INO80D: variants seen among roughly 807,000 people sequenced by gnomAD.
INO80D encodes INO80 complex subunit D.
Under a neutral mutation model 87.6 loss-of-function variants are expected in INO80D, and 21 were observed. The ratio of observed to expected loss-of-function variants is 0.24; its 90% CI spans 0.17 to 0.35. The LOEUF (loss-of-function observed/expected upper bound fraction) is 0.35. INO80D is among the 10% of genes least tolerant of loss of function. The pLI, the probability that INO80D is intolerant of heterozygous loss-of-function variation, is 1.00. For missense variants in INO80D, 982 were observed against 1,280.7 expected, an observed-to-expected ratio of 0.77 and a Z score of 3.56; for synonymous variants, 440 against 491.0, an observed-to-expected ratio of 0.90 and a Z score of 1.37.
At chr2:206,075,771 A>C (rs1690100341) in intron 1 of INO80D, among the ~76,000 whole-genome samples, 1 of 150,866 alleles carries the variant, frequency 6.6e-6, no homozygotes, top group African/African-American at 2.4e-5. Context: ...CTAGCGTGAG[A>C]TGCCAGGTGC....
intron 8 of INO80D, among the ~76,000 whole-genome samples, chr2:206,010,862 G>C (rs1188477054): frequency 6.6e-6 from 1 of 152,112 alleles, no homozygotes; most frequent in Non-Finnish European, 1.5e-5. Flanking sequence ...TGGATCACCT[G>C]AGGTCAGGAG....
chr2:206,004,990 G>A lies in INO80D; in HGVS notation c.2462C>T (p.Ser821Leu). ...TSRQQYSSDH[S>L]HSSPHGSHYD... is the part of the protein sequence containing the mutation. Reference sequence around the variant, plus strand: ...ATGGCTTCCATGGGGTGAGGAGTGTGAGTGATCACTGCTGTATTGCTGTCG... The same window carrying A: ...ATGGCTTCCATGGGGTGAGGAGTGTAAGTGATCACTGCTGTATTGCTGTCG... The change falls in exon 11 of 11, where the codon TCA becomes TTA. Residue 821 changes from serine (S) to leucine (L), a missense_variant. Ser to Leu is a moderately radical substitution (Grantham distance 145, BLOSUM62 -2). Coordinates refer to ENST00000403263, the MANE Select transcript of INO80D (RefSeq NM_017759.5). This position sits in a 1 kb window ranked among gnomAD's most constrained non-coding sequence, Gnocchi z 4.9. The A allele has an allele frequency of 1.2e-6, 2 of 1,614,028 alleles. No homozygotes were observed. Among genetic ancestry groups the A allele is most frequent in the Non-Finnish European group, 1.7e-6 (2 of 1,179,890 alleles).
intron 1 of INO80D, among the ~76,000 whole-genome samples, chr2:206,072,882 G>A (rs141404835): frequency 7.3e-6 from 1 of 136,452 alleles, no homozygotes; most frequent in East Asian, 2.1e-4. Flanking sequence ...TTGCTCTCTT[G>A]TCAAGGCTAG....
At chr2:206,027,612 G>A (rs1435153739) in intron 6 of INO80D, among the ~76,000 whole-genome samples, 1 of 152,104 alleles carries the variant, frequency 6.6e-6, no homozygotes, top group Non-Finnish European at 1.5e-5. Flanking sequence ...GCTGAGGTGG[G>A]AGGGTCATTT....
Position 206,080,902 on chromosome 2 carries a change from CAAAAAAAAAAAA to C in INO80D, c.-124+4987_-124+4998del, listed in dbSNP as rs60198558. Among the ~76,000 whole-genome samples, 17 of 38,060 alleles carry C rather than the reference CAAAAAAAAAAAA, an allele frequency of 4.5e-4. No individual in the cohort carries two copies. In the East Asian group the frequency reaches 0.012, roughly 26 times the overall value. The allele number at this position is 38,060 out of a possible 152,430, so 25.0% of individuals were successfully genotyped here. ...TGGGCGACAGAGTGAGACTCAGTCTCAAAAAAAAAAAAAAAAAAAAAAAAAGAATATTAAAAA... is the reference window on the plus strand; with the variant it reads ...TGGGCGACAGAGTGAGACTCAGTCTCAAAAAAAAAAAAAGAATATTAAAAA... On this transcript the variant is annotated intron_variant, in intron 1 of 10. Coordinates refer to ENST00000403263, the MANE Select transcript of INO80D (RefSeq NM_017759.5).
intron 5 of INO80D, among the ~76,000 whole-genome samples, chr2:206,044,936 T>A (rs954582650): frequency 6.6e-6 from 1 of 152,134 alleles, no homozygotes; most frequent in African/African-American, 2.4e-5. Context: ...TTGTGCTGTA[T>A]CTGAAAGAAC....
At chr2:206,075,818 C>T (rs1452553996) in intron 1 of INO80D, among the ~76,000 whole-genome samples, 4 of 151,458 alleles carry the variant, frequency 2.6e-5, no homozygotes, top group Admixed American at 2.6e-4. Context: ...CTTTGGGAGG[C>T]TGAGGCAGGC....
At chr2:206,016,162 G>T (rs1048053467) in intron 8 of INO80D, among the ~76,000 whole-genome samples, 8 of 148,310 alleles carry the variant, frequency 5.4e-5, no homozygotes, top group Non-Finnish European at 1.1e-4. Flanking sequence ...AGCCAGGAGA[G>T]GGGCTATACC....
chr2:206,070,332 A>G (rs941436401), intron 1 of INO80D, among the ~76,000 whole-genome samples: 2 of 151,058 alleles, frequency 1.3e-5, no homozygotes, highest in African/African-American at 4.9e-5. Flanking sequence ...GCTGAGGTGA[A>G]GGGATTGCTT....
At chr2:206,055,341 C>T (rs764753691) in intron 4 of INO80D, among the ~76,000 whole-genome samples, 11 of 152,104 alleles carry the variant, frequency 7.2e-5, no homozygotes, top group Non-Finnish European at 1.6e-4. Flanking sequence ...TTAAGCAAAA[C>T]AGGAAATTCA....
At chr2:206,067,395 T>C (rs1689848217) in intron 1 of INO80D, among the ~76,000 whole-genome samples, 1 of 152,076 alleles carries the variant, frequency 6.6e-6, no homozygotes, top group South Asian at 2.1e-4. Flanking sequence ...TAGTGTTCTA[T>C]AGCACTGTAG....
In INO80D at chr2:205,996,888, T is replaced by C. The variant is rs1210710940; in HGVS notation, c.*7480A>G. 6.6e-6 allele frequency: 1 copy of C among 151,488 alleles called. No homozygotes were observed. The highest frequency in any genetic ancestry group is 2.4e-5 in the African/African-American group (1 of 41,324). 9.4% of individuals were successfully genotyped at this position (151,488 alleles called of 1,614,324 possible). ...TACAAACTCCCTTCTTTCATTTGCA[T>C]GCATATGTACAAGAAATATGCAGAT... On this transcript the variant is annotated 3_prime_UTR_variant, in exon 11 of 11. Transcript: ENST00000403263.
At chr2:206,043,589 G>A (rs1289445270) in intron 5 of INO80D, among the ~76,000 whole-genome samples, 4 of 152,084 alleles carry the variant, frequency 2.6e-5, no homozygotes, top group East Asian at 1.9e-4. Context: ...CCAGGTTCAC[G>A]CCATTCTCCT....
At chr2:206,044,245 G>A (rs1405160551) in intron 5 of INO80D, among the ~76,000 whole-genome samples, 1 of 151,908 alleles carries the variant, frequency 6.6e-6, no homozygotes, top group African/African-American at 2.4e-5. Flanking sequence ...CCTCTTAGAG[G>A]GCAGAGTGGC....
chr2:206,062,877 G>C lies in INO80D; in HGVS notation c.140C>G (p.Pro47Arg). 3 of 1,613,126 alleles carry C rather than the reference G, an allele frequency of 1.9e-6. No individual in the cohort carries two copies. Among genetic ancestry groups the C allele is most frequent in the South Asian group, 1.1e-5 (1 of 90,974 alleles). Residue 47 changes from proline to arginine, a missense_variant, in exon 3 of 11, where the codon CCC (proline) becomes CGC (arginine). Physicochemically the swap from Pro to Arg is moderately radical, Grantham distance 103. Coordinates refer to ENST00000403263, the MANE Select transcript of INO80D (RefSeq NM_017759.5). The surrounding 1 kb of genome is among the most constrained non-coding windows in gnomAD (Gnocchi z 4.6). ...IRHVLEDKTA[P>R]FKQCEYVAKY... ...GGCCACATATTCACATTGCTTGAAG[G>C]GGGCAGTCTTGTCCTCCAGAACGTG... is the stretch of plus-strand genomic sequence containing the variant.
Position 206,028,294 on chromosome 2 carries a change from G to A in INO80D, c.1115C>T (p.Thr372Ile). 1.2e-6 allele frequency: 2 copies of A among 1,611,086 alleles called. No individual in the cohort carries two copies. The highest frequency in any genetic ancestry group is 8.5e-7 in the Non-Finnish European group (1 of 1,177,448). Residue 372 changes from threonine to isoleucine, a missense_variant, in exon 6 of 11, where the codon ACT becomes ATT. Physicochemically the swap from Thr to Ile is moderately conservative, Grantham distance 89. Transcript: ENST00000403263. The stretch of plus-strand genomic sequence containing the variant: ...CTGCTGAAAGTAAGTGCAAAGTTGA[G>A]TCACCCTGGAGCTCCTACTCTCCGC... Reference protein sequence around the residue: ...DDAESRSSRVTQLCTYFQQKY... With the variant: ...DDAESRSSRVIQLCTYFQQKY...
At chr2:206,050,576 T>C (rs1430613269) in intron 4 of INO80D, among the ~76,000 whole-genome samples, 4 of 145,952 alleles carry the variant, frequency 2.7e-5, no homozygotes, top group African/African-American at 1.0e-4. Flanking sequence ...TTTCAAAAGC[T>C]AAAAAATTAT....
intron 5 of INO80D, among the ~76,000 whole-genome samples, chr2:206,041,414 T>C (rs1048574940): frequency 6.6e-6 from 1 of 152,226 alleles, no homozygotes; most frequent in African/African-American, 2.4e-5. Context: ...GGAGTGGCTA[T>C]GTTAATGCCA....
At chr2:206,069,317 C>T (rs1689900119) in intron 1 of INO80D, among the ~76,000 whole-genome samples, 1 of 152,020 alleles carries the variant, frequency 6.6e-6, no homozygotes, top group Non-Finnish European at 1.5e-5. Context: ...TTCTTAATAA[C>T]ATTTTCTTTT....
Sources: gnomAD v4.1 joint callset for allele counts (sites outside exome capture counted in the v4.1 genomes callset) on GRCh38, gnomAD v4.1.1 for gene constraint, Gnocchi (gnomAD v3.1) non-coding constraint, MANE v1.5 for transcripts, NCBI Gene and HGNC (gene_info 2026-07-23, HGNC 2026-07-21) for gene names.